Variants in ZSCAN25 observed in about 807,000 individuals in gnomAD.
ZSCAN25 encodes zinc finger and SCAN domain-containing protein 25.
ZSCAN25 carries 27 observed loss-of-function variants against 38.7 expected under a neutral mutation model. The observed-to-expected ratio is 0.70, with a 90% CI of 0.51 to 0.96. ZSCAN25 has a LOEUF of 0.96. Ranked by LOEUF, ZSCAN25 falls within the 40% of genes least tolerant of loss-of-function variation. The pLI is 0.00. For missense variants in ZSCAN25, 637 were observed against 705.9 expected, an observed-to-expected ratio of 0.90 and a Z score of 1.11; for synonymous variants, 273 against 277.7, an observed-to-expected ratio of 0.98 and a Z score of 0.17.
chr7:99,620,332 TCTGGGAAGGCAGAGAATCCCAC>T (rs1806843165), intron 4 of ZSCAN25: 1 of 240,814 alleles, frequency 4.2e-6, no homozygotes, highest in South Asian at 1.0e-4. Context: ...CAGAGATGCC[TCTGGGAAGGCAGAGAATCCCAC>T]CTGGGGAATA....
the ZSCAN25 span, among the ~76,000 whole-genome samples, chr7:99,675,537 CT>C: frequency 1.3e-5 from 2 of 151,442 alleles, no homozygotes; most frequent in African/African-American, 4.9e-5. Context: ...TGGACATGAG[CT>C]TGTGACTTTC....
the ZSCAN25 span, among the ~76,000 whole-genome samples, chr7:99,727,722 C>G: frequency 6.6e-6 from 1 of 152,156 alleles, no homozygotes; most frequent in Admixed American, 6.5e-5. Flanking sequence ...TGCTCTGCCC[C>G]CCTCCACTAT....
At chr7:99,731,696 C>T in the ZSCAN25 span, among the ~76,000 whole-genome samples, 1 of 152,182 alleles carries the variant, frequency 6.6e-6, no homozygotes, top group Admixed American at 6.5e-5. Flanking sequence ...AGCTCTGACC[C>T]TGTTTTAGGA....
the ZSCAN25 span, among the ~76,000 whole-genome samples, chr7:99,699,243 C>G: frequency 1.3e-5 from 2 of 152,178 alleles, no homozygotes; most frequent in African/African-American, 4.8e-5. Context: ...AAGATTAAAG[C>G]AAAGAATAAA....
the ZSCAN25 span, chr7:99,660,214 CTTTTTTTT>C: frequency 7.2e-4 from 309 of 429,854 alleles, 1 homozygote; most frequent in East Asian, 0.022. Context: ...CGCCACACTC[CTTTTTTTT>C]TTTTTTTTTT....
rs1449363770 is a variant in ZSCAN25, at chr7:99,629,136, T to C, written c.806-55T>C. ...ACCCCTGTGAAGCAGAGTTCTAACA[T>C]GTAAATGTCCTGCGGCTACCACAGA... On this transcript the variant is annotated intron_variant, in intron 7 of 7. Coordinates refer to ENST00000394152, the MANE Select transcript of ZSCAN25 (RefSeq NM_145115.3). This position sits in a 1 kb window ranked among gnomAD's most constrained non-coding sequence, Gnocchi z 5.6. The C allele has an allele frequency of 6.5e-6, 10 of 1,531,424 alleles. No homozygotes were observed. The highest frequency in any genetic ancestry group is 8.8e-6 in the Non-Finnish European group (10 of 1,141,344). 94.9% of individuals were successfully genotyped at this position (1,531,424 alleles called of 1,614,324 possible).
chr7:99,718,175 T>C, the ZSCAN25 span, among the ~76,000 whole-genome samples: 1 of 152,092 alleles, frequency 6.6e-6, no homozygotes, highest in Admixed American at 6.6e-5. Context: ...TAATGTTAAA[T>C]GATGAGTTAA....
chr7:99,634,618 T>C (rs978811534), downstream of ZSCAN25, among the ~76,000 whole-genome samples: 1 of 152,122 alleles, frequency 6.6e-6, no homozygotes, highest in Non-Finnish European at 1.5e-5. Context: ...TGAAACCCCA[T>C]CTCTACTAAA....
At chr7:99,685,240 A>G in the ZSCAN25 span, 1 of 1,613,522 alleles carries the variant, frequency 6.2e-7, no homozygotes, top group Non-Finnish European at 8.5e-7. Flanking sequence ...CGGGATCTGC[A>G]ACAGTTAAAC....
At chr7:99,634,292 C>T (rs1808179250), downstream of ZSCAN25, among the ~76,000 whole-genome samples, 1 of 152,200 alleles carries the variant, frequency 6.6e-6, no homozygotes, top group East Asian at 1.9e-4. Flanking sequence ...GCTGATTATG[C>T]TTAAAATACT....
the ZSCAN25 span, chr7:99,709,214 C>T: frequency 1.2e-6 from 2 of 1,613,912 alleles, no homozygotes; most frequent in African/African-American, 1.3e-5. Context: ...CATTCACCAC[C>T]ATGTCAAGAT....
rs1584376195 is a variant in ZSCAN25, at chr7:99,632,009, T to G, written c.*1989T>G. On this transcript the variant is annotated 3_prime_UTR_variant, in exon 8 of 8. Coordinates refer to ENST00000394152, the MANE Select transcript of ZSCAN25 (RefSeq NM_145115.3). Reference sequence around the variant, plus strand: ...CAGAGGGTGGTTTTCCAAAGGCAGGTGGGGACTGGGGAGGCCTCGGGGGGC... The same window carrying G: ...CAGAGGGTGGTTTTCCAAAGGCAGGGGGGGACTGGGGAGGCCTCGGGGGGC... 1 of 985,248 alleles carries G rather than the reference T, an allele frequency of 1.0e-6. No individual in the cohort carries two copies. The highest frequency in any genetic ancestry group is 6.2e-5 in the Admixed American group (1 of 16,254). The allele number at this position is 985,248 out of a possible 1,614,324, so 61.0% of individuals were successfully genotyped here. A position where few individuals can be genotyped will look rare whatever the true frequency, so the allele number is the denominator to read the frequency against.
At chr7:99,617,496 G>A (rs1374583662) in intron 1 of ZSCAN25, among the ~76,000 whole-genome samples, 1 of 152,156 alleles carries the variant, frequency 6.6e-6, no homozygotes, top group East Asian at 1.9e-4. Context: ...CAGGAGGATC[G>A]CCTGAGCCCA....
chr7:99,638,486 G>T, the ZSCAN25 span: 1 of 1,507,276 alleles, frequency 6.6e-7, no homozygotes, highest in Non-Finnish European at 9.2e-7. Flanking sequence ...CATCGGTGCG[G>T]TGGCAGTCGG....
At chr7:99,716,018 C>T in the ZSCAN25 span, 1 of 1,594,112 alleles carries the variant, frequency 6.3e-7, no homozygotes, top group African/African-American at 1.3e-5. Context: ...CAGCCACAGA[C>T]TTTCAGAACT....
At chr7:99,730,710 T>C in the ZSCAN25 span, 1 of 256,930 alleles carries the variant, frequency 3.9e-6, no homozygotes, top group East Asian at 8.9e-5. Flanking sequence ...GGGCTCCTGT[T>C]CCTACTTTTA....
the ZSCAN25 span, chr7:99,650,056 A>C: frequency 6.2e-7 from 1 of 1,613,500 alleles, no homozygotes; most frequent in African/African-American, 1.3e-5. Context: ...AATAAAACAT[A>C]CAGAAAGTGT....
intron 3 of ZSCAN25, 115 bp from the exon 4 acceptor site, chr7:99,619,446 G>A (rs1806740686): frequency 1.2e-6 from 1 of 836,626 alleles, no homozygotes; most frequent in East Asian, 2.5e-5. Context: ...TCTGTGTTCA[G>A]TCTTTTGAAA....
At chr7:99,712,254 G>A in the ZSCAN25 span, among the ~76,000 whole-genome samples, 2 of 152,134 alleles carry the variant, frequency 1.3e-5, no homozygotes, top group Admixed American at 6.5e-5. Flanking sequence ...TGTCAACAGA[G>A]CTGTGATTTA....
Sources: gnomAD v4.1 joint callset for allele counts (sites outside exome capture counted in the v4.1 genomes callset) on GRCh38, gnomAD v4.1.1 for gene constraint, Gnocchi (gnomAD v3.1) non-coding constraint, MANE v1.5 for transcripts, NCBI Gene and HGNC (gene_info 2026-07-23, HGNC 2026-07-21) for gene names.